Variants in KIAA0586 observed in about 807,000 individuals in gnomAD.
KIAA0586 encodes protein TALPID3.
A neutral mutation model predicts 169.8 loss-of-function variants in KIAA0586; 144 were observed. That is an observed-to-expected ratio of 0.85 (90% CI 0.74 to 0.97). The LOEUF (loss-of-function observed/expected upper bound fraction) is 0.97, where lower values mean the gene tolerates loss of function less well. KIAA0586 is among the 50% of genes least tolerant of loss of function. KIAA0586 has a pLI of 0.00. For missense variants in KIAA0586, 1,854 were observed against 1,823.0 expected (o/e 1.02, Z -0.31); for synonymous variants, 625 against 612.4 (o/e 1.02, Z -0.30).
chr14:58,440,471 A>T (rs749349636), intron 4 of KIAA0586, among the ~76,000 whole-genome samples: 2 of 152,146 alleles, frequency 1.3e-5, no homozygotes, highest in Non-Finnish European at 2.9e-5. Flanking sequence ...AGCTGGTATT[A>T]CAGGCTCCCG....
Position 58,498,638 on chromosome 14 carries a change from A to G in KIAA0586, c.3991-145A>G, listed in dbSNP as rs149263700. On this transcript the variant is annotated intron_variant, in intron 26 of 30. Transcript: ENST00000652326. ...GACTAACTTCTTGAACTTTTCTTGC[A>G]TGTAATGTATATGTGGCATAGAAGG... 3.2e-3 allele frequency: 1,634 copies of G among 510,820 alleles called. 7 individuals are homozygous for G. The highest frequency in any genetic ancestry group is 0.024 in the Middle Eastern group (62 of 2,610). 31.6% of individuals were successfully genotyped at this position (510,820 alleles called of 1,614,324 possible).
chr14:58,534,146 T>C (rs2046147838), intron 29 of KIAA0586, among the ~76,000 whole-genome samples: 1 of 152,180 alleles, frequency 6.6e-6, no homozygotes, highest in South Asian at 2.1e-4. Flanking sequence ...TTAGGAAGGG[T>C]TTCCATCTCA....
At chr14:58,447,948 G>C (rs974803413) in intron 6 of KIAA0586, among the ~76,000 whole-genome samples, 3 of 152,144 alleles carry the variant, frequency 2.0e-5, no homozygotes, top group African/African-American at 7.2e-5. Context: ...TACCATTTAG[G>C]ATATAAAAGA....
chr14:58,492,374 T>G (rs2042892277), intron 26 of KIAA0586, 99 bp downstream of exon 26: 3 of 1,043,564 alleles, frequency 2.9e-6, no homozygotes, highest in Non-Finnish European at 4.1e-6. Flanking sequence ...GTATTTTGGT[T>G]TTTTCAAGGG....
At chr14:58,522,156 C>T (rs1183826363) in intron 29 of KIAA0586, among the ~76,000 whole-genome samples, 1 of 152,114 alleles carries the variant, frequency 6.6e-6, no homozygotes, top group Non-Finnish European at 1.5e-5. Flanking sequence ...TGCCCTGCGC[C>T]TAGTTCCATT....
At chr14:58,470,857 AT>A (rs113069874) in intron 17 of KIAA0586, 134 bp downstream of exon 17, 10,758 of 395,592 alleles carry the variant, frequency 0.027, no homozygotes, top group South Asian at 0.042. Context: ...ATTGAAAACA[AT>A]TTTTTTTTTT....
At position 58,465,634 on chromosome 14, in the gene KIAA0586, C is replaced by T. The variant is rs1189641216; in HGVS notation, c.2060-201C>T. Among the ~76,000 whole-genome samples, 4 of 152,252 alleles carry T rather than the reference C, an allele frequency of 2.6e-5. No homozygotes were observed. The East Asian group carries it at 5.8e-4, about 22-fold the overall frequency. On this transcript the variant is annotated intron_variant, in intron 14 of 30. Coordinates refer to ENST00000652326, the MANE Select transcript of KIAA0586 (RefSeq NM_001329943.3). ...AACTGAGTCATTACAGCTGAGATCA[C>T]GTGGCCTGCCAGACAAATATTTACT...
chr14:58,497,497 C>T (rs529563824), intron 26 of KIAA0586, among the ~76,000 whole-genome samples: 2 of 151,538 alleles, frequency 1.3e-5, no homozygotes, highest in South Asian at 4.2e-4. Context: ...GTAGCTGGGA[C>T]TACAGGCACC....
In KIAA0586 at chr14:58,478,768, C is replaced by T. The variant is rs559490857; in HGVS notation, c.2944+1527C>T. Among the ~76,000 whole-genome samples, 6 of 152,318 alleles carry T rather than the reference C, an allele frequency of 3.9e-5. No individual in the cohort carries two copies. In the East Asian group the frequency reaches 9.6e-4, roughly 24 times the overall value. On this transcript the variant is annotated intron_variant, in intron 20 of 30. Transcript: ENST00000652326. ...CTCACTCGTGCCCACTGGCCCCTAA[C>T]AACACTGATCTGCTTTCTATTACTG...
intron 29 of KIAA0586, chr14:58,537,242 C>T (rs558870153): frequency 1.0e-6 from 1 of 957,986 alleles, no homozygotes; most frequent in South Asian, 3.8e-5. Context: ...TTTTTTTTAA[C>T]TGTTAAGACG....
intron 21 of KIAA0586, among the ~76,000 whole-genome samples, chr14:58,483,165 TA>T (rs1723320363): frequency 0.022 from 1 of 46 alleles, no homozygotes; most frequent in African/African-American, 0.083. Context: ...GTCAGCCCTC[TA>T]TATATATATG....
chr14:58,532,033 C>T (rs962034402), intron 29 of KIAA0586, among the ~76,000 whole-genome samples: 4 of 140,490 alleles, frequency 2.8e-5, no homozygotes, highest in African/African-American at 1.0e-4. Flanking sequence ...CGGGGCCTGT[C>T]GGGGGGTGGG....
intron 6 of KIAA0586, 132 bp from the exon 7 acceptor site, chr14:58,448,208 T>C (rs2039065698): frequency 3.2e-6 from 2 of 623,222 alleles, no homozygotes; most frequent in Non-Finnish European, 5.6e-6. Context: ...ATACTTGCAA[T>C]GTAATACATA....
At chr14:58,514,361 T>G (rs1462225683) in intron 29 of KIAA0586, among the ~76,000 whole-genome samples, 1 of 152,040 alleles carries the variant, frequency 6.6e-6, no homozygotes, top group Non-Finnish European at 1.5e-5. Flanking sequence ...TTGAAGATAA[T>G]GAAGGAAATT....
chr14:58,442,690 G>A lies in KIAA0586; in HGVS notation c.411-16G>A. 2.0e-6 allele frequency: 3 copies of A among 1,508,466 alleles called. No individual in the cohort carries two copies. The African/African-American group carries it at 4.2e-5, about 21-fold the overall frequency. The allele number at this position is 1,508,466 out of a possible 1,614,324, so 93.4% of individuals were successfully genotyped here. A position where few individuals can be genotyped will look rare whatever the true frequency, so the allele number is the denominator to read the frequency against. On this transcript the variant is annotated splice_polypyrimidine_tract_variant and intron_variant, in intron 4 of 30. Coordinates refer to ENST00000652326, the MANE Select transcript of KIAA0586 (RefSeq NM_001329943.3). ...GTAGTTTACTGAATACATTTTTATT[G>A]CTTTTTTATTTATAGAGCTCAAAGC...
At position 58,477,113 on chromosome 14, in the gene KIAA0586, A is replaced by G. The variant is rs1432959973; in HGVS notation, c.2826-10A>G. 6 of 1,435,402 alleles carry G rather than the reference A, an allele frequency of 4.2e-6. No homozygotes were observed. Among genetic ancestry groups the G allele is most frequent in the Non-Finnish European group, 5.8e-6 (6 of 1,040,672 alleles). 88.9% of individuals were successfully genotyped at this position (1,435,402 alleles called of 1,614,324 possible). A position where few individuals can be genotyped will look rare whatever the true frequency, so the allele number is the denominator to read the frequency against. On this transcript the variant is annotated splice_polypyrimidine_tract_variant and intron_variant, in intron 19 of 30. Transcript: ENST00000652326. ...AATCTTAACTTTTATCTGCCCCACC[A>G]TCCTCTCAGGGTAGAGCAAGAAATA...
At chr14:58,545,095 A>G (rs1158367213) in intron 30 of KIAA0586, among the ~76,000 whole-genome samples, 1 of 152,186 alleles carries the variant, frequency 6.6e-6, no homozygotes, top group East Asian at 1.9e-4. Context: ...AGCTCCATAC[A>G]TGCAGAAGAT....
Position 58,443,957 on chromosome 14 carries a change from C to T in KIAA0586, c.589C>T (p.Gln197Ter). The T allele has an allele frequency of 2.5e-6, 4 of 1,588,084 alleles. No homozygotes were observed. Among genetic ancestry groups the T allele is most frequent in the Non-Finnish European group, 3.4e-6 (4 of 1,161,212 alleles). ...IATAAPLIKV[Q>*]SDLEAKVNSV... ...AAAAATGTTTTTATTGTTTTAGGTGCAGAGTGATTTGGAAGCAAAAGTCAA... is the reference window on the plus strand; with the variant it reads ...AAAAATGTTTTTATTGTTTTAGGTGTAGAGTGATTTGGAAGCAAAAGTCAA... The change falls in exon 6 of 31, where the codon CAG (glutamine) becomes TAG (stop). Residue 197 changes from glutamine to a stop codon, truncating the protein, a stop_gained. Coordinates refer to ENST00000652326, the MANE Select transcript of KIAA0586 (RefSeq NM_001329943.3). LOFTEE classifies it high-confidence loss of function.
chr14:58,492,406 C>A, intron 26 of KIAA0586, 131 bp downstream of exon 26: 1 of 662,804 alleles, frequency 1.5e-6, no homozygotes, highest in Non-Finnish European at 2.4e-6. Flanking sequence ...GCAACTTTAA[C>A]TTGGAATCAT....
Sources: gnomAD v4.1 joint callset for allele counts (sites outside exome capture counted in the v4.1 genomes callset) on GRCh38, gnomAD v4.1.1 for gene constraint, MANE v1.5 for transcripts, NCBI Gene and HGNC (gene_info 2026-07-23, HGNC 2026-07-21) for gene names.